OR2K2: variants seen among roughly 807,000 people sequenced by gnomAD.
OR2K2 encodes the protein olfactory receptor 2K2.
In OR2K2, 7 loss-of-function variants were observed where a neutral mutation model predicts 11.1. The ratio of observed to expected loss-of-function variants is 0.63; its 90% CI spans 0.36 to 1.19. The LOEUF is 1.19. OR2K2 is among the 50% of genes most tolerant of loss of function. OR2K2 has a pLI of 0.02. For synonymous variants in OR2K2, 152 were observed against 150.8 expected (o/e 1.01, Z -0.06); for missense variants, 391 against 383.4 (o/e 1.02, Z -0.17).
Position 111,328,069 on chromosome 9 carries a change from C to T in OR2K2, c.365G>A (p.Arg122His), listed in dbSNP as rs781014210. ...CAGCGGGTTACAAATGGCCACATAA[C>T]GGTCATATGCCATCACGGCCAGGAG... ...CVLLAVMAYD[R>H]YVAICNPLRY... The change falls in exon 2 of 2, where the codon CGT (arginine) becomes CAT (histidine). Residue 122 changes from arginine to histidine, a missense_variant. Physicochemically the swap from Arg to His is conservative, Grantham distance 29 (BLOSUM62 0). Transcript: ENST00000302681. The T allele has an allele frequency of 2.9e-5, 47 of 1,614,044 alleles. No homozygotes were observed. Among genetic ancestry groups the T allele is most frequent in the Admixed American group, 6.7e-5 (4 of 59,994 alleles).
chr9:111,329,701 A>T (rs2131416693), intron 1 of OR2K2, among the ~76,000 whole-genome samples: 1 of 152,292 alleles, frequency 6.6e-6, no homozygotes, highest in East Asian at 1.9e-4. Flanking sequence ...CCAGAATTTC[A>T]CTTGTGATCA....
chr9:111,328,270 A>C lies in OR2K2; in HGVS notation c.164T>G (p.Leu55Arg). The C allele has an allele frequency of 6.2e-7, 1 of 1,614,220 alleles. No individual in the cohort carries two copies. The highest frequency in any genetic ancestry group is 1.1e-5 in the South Asian group (1 of 91,076). Residue 55 changes from leucine (L) to arginine (R), a missense_variant, in exon 2 of 2, where the codon CTT becomes CGT. Coordinates refer to ENST00000302681, the MANE Select transcript of OR2K2 (RefSeq NM_205859.2). ...LILITILDSRLKTPMYLFLGN... is the reference protein window; with the variant it reads ...LILITILDSRRKTPMYLFLGN... The stretch of plus-strand genomic sequence containing the variant: ...AAGGAATAAGTACATGGGGGTTTTA[A>C]GGCGTGAATCTAGGATAGTGATCAA...
intron 1 of OR2K2, 41 bp downstream of exon 1, chr9:111,330,065 A>C (rs959483617): frequency 1.3e-5 from 2 of 152,146 alleles, no homozygotes; most frequent in African/African-American, 4.8e-5. Flanking sequence ...TCTTAAGACT[A>C]ACAAGCACAA....
At chr9:111,329,919 A>G (rs1053541458) in intron 1 of OR2K2, among the ~76,000 whole-genome samples, 187 bp downstream of exon 1, 1 of 152,176 alleles carries the variant, frequency 6.6e-6, no homozygotes, top group Admixed American at 6.5e-5. Flanking sequence ...ATTTTCATAT[A>G]TACATGTTCT....
rs1293402894 is a variant in OR2K2, at chr9:111,327,767, T to C, written c.667A>G (p.Thr223Ala). 5 of 1,613,850 alleles carry C rather than the reference T, an allele frequency of 3.1e-6. No individual in the cohort carries two copies. Among genetic ancestry groups the C allele is most frequent in the Non-Finnish European group, 4.2e-6 (5 of 1,179,986 alleles). Reference sequence around the variant, plus strand: ...TCTGCTGAGGTGATTCTCAGAATAGTGGAAAGGATGAAGATGTAAGAGATG... The same window carrying C: ...TCTGCTGAGGTGATTCTCAGAATAGCGGAAAGGATGAAGATGTAAGAGATG... The part of the protein sequence containing the change: ...VCISYIFILS[T>A]ILRITSAEGR... Residue 223 changes from threonine to alanine, a missense_variant, in exon 2 of 2, where the codon ACT (threonine) becomes GCT (alanine). Thr to Ala is a moderately conservative substitution (Grantham distance 58). Coordinates refer to ENST00000302681, the MANE Select transcript of OR2K2 (RefSeq NM_205859.2).
intron 1 of OR2K2, 112 bp from the exon 2 acceptor site, chr9:111,328,594 G>A: frequency 1.6e-6 from 1 of 621,564 alleles, no homozygotes; most frequent in East Asian, 2.8e-5. Flanking sequence ...TCACAGGATA[G>A]TGTGTTTATT....
In OR2K2 at chr9:111,327,639, A is replaced by G. The variant is rs377765759; in HGVS notation, c.795T>C (p.Asn265=). ...LSMYLKPSSS[N]AQKIDKIISL... ...AGATGATTTTGTCTATTTTTTGTGC[A>G]TTTGATGAAGAAGGCTTTAGGTACA... is the stretch of plus-strand genomic sequence containing the variant. The change falls in exon 2 of 2, where the codon AAT becomes AAC. Residue 265 remains asparagine, a synonymous_variant. Coordinates refer to ENST00000302681, the MANE Select transcript of OR2K2 (RefSeq NM_205859.2). The G allele has an allele frequency of 7.2e-5, 116 of 1,614,180 alleles. 2 individuals are homozygous for G. The Middle Eastern group carries it at 8.2e-4, about 11-fold the overall frequency.
At position 111,328,253 on chromosome 9, in the gene OR2K2, A is replaced by G; in HGVS notation, c.181T>C (p.Leu61=). 6.2e-7 allele frequency: 1 copy of G among 1,614,206 alleles called. No individual in the cohort carries two copies. The highest frequency in any genetic ancestry group is 8.5e-7 in the Non-Finnish European group (1 of 1,180,030). Residue 61 remains leucine (L), a synonymous_variant, in exon 2 of 2, where the codon TTA becomes CTA. Coordinates refer to ENST00000302681, the MANE Select transcript of OR2K2 (RefSeq NM_205859.2). ...ATGAAAGAGAGATTTCCAAGGAATA[A>G]GTACATGGGGGTTTTAAGGCGTGAA... ...LDSRLKTPMY[L]FLGNLSFMDI... is the part of the protein sequence containing the mutation.
chr9:111,328,059 G>A lies in OR2K2; in HGVS notation c.375C>T (p.Ala125=), dbSNP rs1179342589. The A allele has an allele frequency of 4.3e-6, 7 of 1,614,036 alleles. No homozygotes were observed. The East Asian group carries it at 6.7e-5, about 15-fold the overall frequency. The change falls in exon 2 of 2, where the codon GCC becomes GCT. Residue 125 remains alanine (A), a synonymous_variant. Transcript: ENST00000302681. ...LAVMAYDRYV[A]ICNPLRYSII... ...TGGAGTATCTCAGCGGGTTACAAATGGCCACATAACGGTCATATGCCATCA... is the reference window on the plus strand; with the variant it reads ...TGGAGTATCTCAGCGGGTTACAAATAGCCACATAACGGTCATATGCCATCA...
rs952647721 is a variant in OR2K2 at position 111,327,296 on chromosome 9, A to C, written c.*187T>G. ...CTCACAACCACAAAACACAAAAAGG[A>C]AATATTAACAAATGCAAATTGAAAC... On this transcript the variant is annotated 3_prime_UTR_variant, in exon 2 of 2. Coordinates refer to ENST00000302681, the MANE Select transcript of OR2K2 (RefSeq NM_205859.2). 6.6e-6 allele frequency among the ~76,000 whole-genome samples: 1 copy of C among 152,252 alleles called. No individual in the cohort carries two copies. The highest frequency in any genetic ancestry group is 2.4e-5 in the African/African-American group (1 of 41,472).
Position 111,328,007 on chromosome 9 carries a change from G to A in OR2K2, c.427C>T (p.Arg143Trp), listed in dbSNP as rs772576191. 9.9e-6 allele frequency: 16 copies of A among 1,614,128 alleles called. No individual in the cohort carries two copies. The highest frequency in any genetic ancestry group is 1.6e-4 in the Middle Eastern group (1 of 6,062). The change falls in exon 2 of 2, where the codon CGG becomes TGG. Residue 143 changes from arginine (R) to tryptophan (W), a missense_variant. Transcript: ENST00000302681. ...GTCACCCAGGAGACCGTAGCCATCCGTGCACAGACGCACCTGTTCATGATG... is the reference window on the plus strand; with the variant it reads ...GTCACCCAGGAGACCGTAGCCATCCATGCACAGACGCACCTGTTCATGATG... ...SIIMNRCVCARMATVSWVTGC... is the reference protein window; with the variant it reads ...SIIMNRCVCAWMATVSWVTGC...
rs2098101609 is a variant in OR2K2, at chr9:111,327,653, G to C, written c.781C>G (p.Pro261Ala). 2 of 1,614,142 alleles carry C rather than the reference G, an allele frequency of 1.2e-6. No individual in the cohort carries two copies. Among genetic ancestry groups the C allele is most frequent in the Non-Finnish European group, 1.7e-6 (2 of 1,180,024 alleles). The change falls in exon 2 of 2, where the codon CCT (proline) becomes GCT (alanine). Residue 261 changes from proline (P) to alanine (A), a missense_variant. By Grantham distance (27) the Pro-to-Ala change is conservative. Coordinates refer to ENST00000302681, the MANE Select transcript of OR2K2 (RefSeq NM_205859.2). ...YGAALSMYLK[P>A]SSSNAQKIDK... ...ATTTTTTGTGCATTTGATGAAGAAG[G>C]CTTTAGGTACATAGAGAGGGCAGCC... is the stretch of plus-strand genomic sequence containing the variant.
intron 1 of OR2K2, among the ~76,000 whole-genome samples, chr9:111,329,177 C>A (rs778449953): frequency 2.0e-5 from 3 of 152,136 alleles, no homozygotes; most frequent in African/African-American, 4.8e-5. Flanking sequence ...GCACTCCAAC[C>A]TGGGTGACAG....
At chr9:111,329,499 C>T (rs573217781) in intron 1 of OR2K2, among the ~76,000 whole-genome samples, 30 of 152,172 alleles carry the variant, frequency 2.0e-4, no homozygotes, top group African/African-American at 7.0e-4. Flanking sequence ...AGGCAATATA[C>T]GAAAACCCAT....
Position 111,327,361 on chromosome 9 carries a change from C to T in OR2K2, c.*122G>A, listed in dbSNP as rs1039988038. 2 of 653,354 alleles carry T rather than the reference C, an allele frequency of 3.1e-6. No individual in the cohort carries two copies. Among genetic ancestry groups the T allele is most frequent in the Admixed American group, 3.0e-5 (1 of 33,052 alleles). The allele number at this position is 653,354 out of a possible 1,614,324, so 40.5% of individuals were successfully genotyped here. A position where few individuals can be genotyped will look rare whatever the true frequency, so the allele number is the denominator to read the frequency against. Reference sequence around the variant, plus strand: ...AGGCAATCACTCTGTGTATGCAGCTCATAACTGTGAAATTATATAGAGATA... The same window carrying T: ...AGGCAATCACTCTGTGTATGCAGCTTATAACTGTGAAATTATATAGAGATA... On this transcript the variant is annotated 3_prime_UTR_variant, in exon 2 of 2. Coordinates refer to ENST00000302681, the MANE Select transcript of OR2K2 (RefSeq NM_205859.2).
chr9:111,327,922 T>C lies in OR2K2; in HGVS notation c.512A>G (p.Asn171Ser). Residue 171 changes from asparagine (N) to serine (S), a missense_variant, in exon 2 of 2, where the codon AAT becomes AGT. Asn to Ser is a conservative substitution (Grantham distance 46, BLOSUM62 1). Coordinates refer to ENST00000302681, the MANE Select transcript of OR2K2 (RefSeq NM_205859.2). Reference protein sequence around the residue: ...SFALQIPLCGNLIDHFTCEIL... With the variant: ...SFALQIPLCGSLIDHFTCEIL... Reference sequence around the variant, plus strand: ...TTCACACGTGAAGTGATCGATGAGATTCCCACAGAGGGGTATCTGCAGGGC... The same window carrying C: ...TTCACACGTGAAGTGATCGATGAGACTCCCACAGAGGGGTATCTGCAGGGC... 4.3e-6 allele frequency: 7 copies of C among 1,614,168 alleles called. 1 individual carries two copies. The South Asian group carries it at 7.7e-5, about 18-fold the overall frequency.
In OR2K2 at chr9:111,328,500, T is replaced by C; in HGVS notation, c.-49-18A>G. 2 of 1,053,540 alleles carry C rather than the reference T, an allele frequency of 1.9e-6. No homozygotes were observed. Among genetic ancestry groups the C allele is most frequent in the Non-Finnish European group, 2.8e-6 (2 of 712,642 alleles). 65.3% of individuals were successfully genotyped at this position (1,053,540 alleles called of 1,614,324 possible). On this transcript the variant is annotated intron_variant, in intron 1 of 1. Transcript: ENST00000302681. The stretch of plus-strand genomic sequence containing the variant: ...CATTTAATCTGAGGACATAAAGAAA[T>C]GAATAAAGTGTGATATTCATTTAGT...
At position 111,327,728 on chromosome 9, in the gene OR2K2, C is replaced by G; in HGVS notation, c.706G>C (p.Ala236Pro). Residue 236 changes from alanine to proline, a missense_variant, in exon 2 of 2, where the codon GCT (alanine) becomes CCT (proline). Coordinates refer to ENST00000302681, the MANE Select transcript of OR2K2 (RefSeq NM_205859.2). ...RITSAEGRNK[A>P]FSTCGAHLTV... ...AAATGGGCACCACAGGTAGAAAAAG[C>G]CTTGTTTCTTCCCTCTGCTGAGGTG... 2 of 1,614,060 alleles carry G rather than the reference C, an allele frequency of 1.2e-6. No homozygotes were observed. The highest frequency in any genetic ancestry group is 8.5e-7 in the Non-Finnish European group (1 of 1,179,974).
Position 111,328,065 on chromosome 9 carries a change from A to AT in OR2K2, c.368dup (p.Tyr123Ter). 6.2e-7 allele frequency: 1 copy of AT among 1,614,216 alleles called. No individual in the cohort carries two copies. Among genetic ancestry groups the AT allele is most frequent in the African/African-American group, 1.3e-5 (1 of 75,060 alleles). The change falls in exon 2 of 2, where the codon TAT becomes TAAT. Residue 123 changes from tyrosine to a stop codon, truncating the protein, a stop_gained and frameshift_variant. Transcript: ENST00000302681. LOFTEE classifies it high-confidence loss of function. ...ATCTCAGCGGGTTACAAATGGCCAC[A>AT]TAACGGTCATATGCCATCACGGCCA... ...VLLAVMAYDR[Y>*]VAICNPLRYS...
Sources: gnomAD v4.1 joint callset for allele counts (sites outside exome capture counted in the v4.1 genomes callset) on GRCh38, gnomAD v4.1.1 for gene constraint, MANE v1.5 for transcripts, NCBI Gene and HGNC (gene_info 2026-07-23, HGNC 2026-07-21) for gene names.